Variants in INPP5D observed in about 807,000 individuals in gnomAD.
The protein encoded by INPP5D is phosphatidylinositol 3,4,5-trisphosphate 5-phosphatase 1.
INPP5D carries 33 observed loss-of-function variants against 122.9 expected under a neutral mutation model. The ratio of observed to expected loss-of-function variants is 0.27; its 90% CI spans 0.20 to 0.36. INPP5D has a LOEUF of 0.36. Ranked by LOEUF, INPP5D falls within the 10% of genes least tolerant of loss-of-function variation. The probability of loss-of-function intolerance (pLI) is 1.00; values close to 1 mark genes in which losing one functional copy is unlikely to be tolerated. For missense variants in INPP5D, 1,053 were observed against 1,412.7 expected (o/e 0.75, Z 4.08); for synonymous variants, 584 against 576.2 (o/e 1.01, Z -0.19).
intron 1 of INPP5D, among the ~76,000 whole-genome samples, chr2:233,066,773 A>AT (rs564373774): frequency 0.054 from 7,713 of 143,524 alleles, 513 homozygotes; most frequent in African/African-American, 0.16. Context: ...TGCCCGGCTA[A>AT]TTTTTTTTTT....
chr2:233,204,809 T>A lies in INPP5D; in HGVS notation c.3567+92T>A. On this transcript the variant is annotated intron_variant, in intron 26 of 26. Coordinates refer to ENST00000445964, the MANE Select transcript of INPP5D (RefSeq NM_001017915.3). Reference sequence around the variant, plus strand: ...GTACCTATGCATATGTGTGTGCATGTGTGTGTGCACGCATGCATATGTGCG... The same window carrying A: ...GTACCTATGCATATGTGTGTGCATGAGTGTGTGCACGCATGCATATGTGCG... The A allele has an allele frequency of 4.3e-6, 6 of 1,408,340 alleles. No homozygotes were observed. The South Asian group carries it at 8.9e-5, about 21-fold the overall frequency. The allele number at this position is 1,408,340 out of a possible 1,614,324, so 87.2% of individuals were successfully genotyped here.
chr2:233,121,514 A>ATTTTATTTTG (rs1692978518), intron 2 of INPP5D, among the ~76,000 whole-genome samples: 1 of 150,364 alleles, frequency 6.7e-6, no homozygotes, highest in South Asian at 2.1e-4. Flanking sequence ...AAATACTTTT[A>ATTTTATTTTG]TTTTATTTTA....
At chr2:233,145,282 A>T (rs930877041) in intron 6 of INPP5D, 4 of 456,100 alleles carry the variant, frequency 8.8e-6, no homozygotes, top group African/African-American at 6.0e-5. Context: ...GCGACCTCAG[A>T]CAAGTTAGTT....
chr2:233,064,033 A>G (rs534240216), intron 1 of INPP5D, among the ~76,000 whole-genome samples: 1 of 152,396 alleles, frequency 6.6e-6, no homozygotes, highest in East Asian at 1.9e-4. Context: ...CAGTCAATGC[A>G]AGGGTCCATG....
intron 2 of INPP5D, among the ~76,000 whole-genome samples, chr2:233,106,251 T>A (rs766894995): frequency 6.6e-6 from 1 of 152,184 alleles, no homozygotes; most frequent in Non-Finnish European, 1.5e-5. Flanking sequence ...GCTAATCTAG[T>A]TGGGCTGTCT....
chr2:233,135,609 T>G (rs1274430740), intron 5 of INPP5D, among the ~76,000 whole-genome samples: 1 of 149,080 alleles, frequency 6.7e-6, no homozygotes, highest in Non-Finnish European at 1.5e-5. Context: ...TTTTAAATAT[T>G]TAATATTTTA....
chr2:233,127,513 T>G (rs957632672), intron 4 of INPP5D, among the ~76,000 whole-genome samples: 1 of 152,238 alleles, frequency 6.6e-6, no homozygotes, highest in African/African-American at 2.4e-5. Flanking sequence ...TCAGATCTCA[T>G]CAGTTAGGTC....
Position 233,106,288 on chromosome 2 carries a change from C to T in INPP5D, c.199-15819C>T, listed in dbSNP as rs144182751. Among the ~76,000 whole-genome samples the T allele has an allele frequency of 3.0e-3, 459 of 152,286 alleles. 1 individual carries two copies. The highest frequency in any genetic ancestry group is 4.8e-3 in the Non-Finnish European group (325 of 68,020). On this transcript the variant is annotated intron_variant, in intron 2 of 26. Coordinates refer to ENST00000445964, the MANE Select transcript of INPP5D (RefSeq NM_001017915.3). Reference sequence around the variant, plus strand: ...GGACTCAGCTGAACCAGGCTGGACTCCAGGTTTCTAATCATGTCCAGGTCT... The same window carrying T: ...GGACTCAGCTGAACCAGGCTGGACTTCAGGTTTCTAATCATGTCCAGGTCT...
chr2:233,162,029 G>A (rs779559227), intron 11 of INPP5D, among the ~76,000 whole-genome samples: 4 of 151,988 alleles, frequency 2.6e-5, no homozygotes, highest in Admixed American at 6.6e-5. Context: ...TAAGAAAAAC[G>A]AGCTTTGGGA....
intron 2 of INPP5D, among the ~76,000 whole-genome samples, chr2:233,088,006 C>T (rs1478751544): frequency 1.3e-5 from 2 of 151,952 alleles, no homozygotes; most frequent in Non-Finnish European, 2.9e-5. Context: ...GACAGTGTCT[C>T]GCTCTAGCCC....
rs543002379 is a variant in INPP5D at position 233,079,475 on chromosome 2, A to G, written c.198+77A>G. ...CAGAGAAAGGGTGTAAACGATGAGG[A>G]AGGAAGTGCACGCGCAGGTAGCCGG... On this transcript the variant is annotated intron_variant, in intron 2 of 26. Transcript: ENST00000445964. The G allele has an allele frequency of 9.5e-6, 9 of 948,190 alleles. No individual in the cohort carries two copies. The African/African-American group carries it at 1.3e-4, about 14-fold the overall frequency. The allele number at this position is 948,190 out of a possible 1,614,324, so 58.7% of individuals were successfully genotyped here. A position where few individuals can be genotyped will look rare whatever the true frequency, so the allele number is the denominator to read the frequency against.
intron 10 of INPP5D, among the ~76,000 whole-genome samples, chr2:233,159,484 G>T (rs1694142518): frequency 1.3e-5 from 2 of 150,514 alleles, no homozygotes; most frequent in African/African-American, 4.9e-5. Context: ...GGTTGCCCGA[G>T]ACCAAGAGTT....
In INPP5D at chr2:233,105,634, G is replaced by T. The variant is rs1692446328; in HGVS notation, c.199-16473G>T. Reference sequence around the variant, plus strand: ...GGAAGAGAGCCAGAGGGGAAGGGAAGGGTAAGAGGGTAGTGACCGCAAGCG... The same window carrying T: ...GGAAGAGAGCCAGAGGGGAAGGGAATGGTAAGAGGGTAGTGACCGCAAGCG... On this transcript the variant is annotated intron_variant, in intron 2 of 26. Coordinates refer to ENST00000445964, the MANE Select transcript of INPP5D (RefSeq NM_001017915.3). The surrounding 1 kb of genome is among the most constrained non-coding windows in gnomAD (Gnocchi z 4.0). 6.6e-6 allele frequency among the ~76,000 whole-genome samples: 1 copy of T among 152,230 alleles called. No homozygotes were observed. The highest frequency in any genetic ancestry group is 2.4e-5 in the African/African-American group (1 of 41,462).
intron 8 of INPP5D, among the ~76,000 whole-genome samples, chr2:233,146,903 T>C (rs564761768): frequency 4.9e-4 from 75 of 152,286 alleles, no homozygotes; most frequent in Non-Finnish European, 9.3e-4. Context: ...ACCCCAGCAC[T>C]GGTCCCAAAT....
chr2:233,182,026 G>A (rs1694798297), intron 18 of INPP5D, among the ~76,000 whole-genome samples: 1 of 152,172 alleles, frequency 6.6e-6, no homozygotes, highest in Admixed American at 6.5e-5. Context: ...AGCCTGGGAG[G>A]TGGAGGCTGC....
At chr2:233,149,258 C>A (rs1454633255) in intron 9 of INPP5D, among the ~76,000 whole-genome samples, 2 of 152,024 alleles carry the variant, frequency 1.3e-5, no homozygotes, top group African/African-American at 4.8e-5. Flanking sequence ...ACCACCACCA[C>A]GCCCAGCTAT....
chr2:233,184,354 T>G, intron 19 of INPP5D, 54 bp from the exon 20 acceptor site: 1 of 1,593,826 alleles, frequency 6.3e-7, no homozygotes, highest in Non-Finnish European at 8.6e-7. Flanking sequence ...TAATTTGAAA[T>G]GCTCCATCTC....
rs570812195 is a variant in INPP5D, at chr2:233,100,601, G to A, written c.198+21203G>A. Among the ~76,000 whole-genome samples, 9 of 152,170 alleles carry A rather than the reference G, an allele frequency of 5.9e-5. No individual in the cohort carries two copies. The highest frequency in any genetic ancestry group is 1.2e-4 in the African/African-American group (5 of 41,438). Reference sequence around the variant, plus strand: ...CTCATGGGCACCCCCGGTTGAGCTCGCTCACCCAGAGCTCTCTCTCTTCCC... The same window carrying A: ...CTCATGGGCACCCCCGGTTGAGCTCACTCACCCAGAGCTCTCTCTCTTCCC... On this transcript the variant is annotated intron_variant, in intron 2 of 26. Transcript: ENST00000445964. This position sits in a 1 kb window ranked among gnomAD's most constrained non-coding sequence, Gnocchi z 5.3.
chr2:233,084,260 G>A (rs35954034), intron 2 of INPP5D, among the ~76,000 whole-genome samples: 4,139 of 152,300 alleles, frequency 0.027, 96 homozygotes, highest in Middle Eastern at 0.078. Flanking sequence ...TCACTATGTT[G>A]CCCAGGCTGG....
Sources: gnomAD v4.1 joint callset for allele counts (sites outside exome capture counted in the v4.1 genomes callset) on GRCh38, gnomAD v4.1.1 for gene constraint, Gnocchi (gnomAD v3.1) non-coding constraint, MANE v1.5 for transcripts, NCBI Gene and HGNC (gene_info 2026-07-23, HGNC 2026-07-21) for gene names.